Variants in EPB41L4B observed in about 807,000 individuals in gnomAD.
EPB41L4B encodes the protein erythrocyte membrane protein band 4.1 like 4B, also known as band 4.1-like protein 4B.
In EPB41L4B, 30 loss-of-function variants were observed where a neutral mutation model predicts 112.5. The ratio of observed to expected loss-of-function variants is 0.27; its 90% CI spans 0.20 to 0.36. The LOEUF (loss-of-function observed/expected upper bound fraction) is 0.36. Among genes scored for constraint, EPB41L4B ranks in the 10% least tolerant of loss-of-function variants. The pLI is 1.00. For synonymous variants in EPB41L4B, 408 were observed against 439.7 expected (o/e 0.93, Z 0.90); for missense variants, 1,024 against 1,133.3 (o/e 0.90, Z 1.38).
chr9:109,296,761 T>C (rs1028083569), intron 1 of EPB41L4B, among the ~76,000 whole-genome samples: 2 of 151,782 alleles, frequency 1.3e-5, no homozygotes, highest in African/African-American at 2.4e-5. Context: ...GTGGCACATA[T>C]CTGTAGCCCC....
chr9:109,209,189 C>T lies in EPB41L4B; in HGVS notation c.1753-1140G>A, dbSNP rs183834626. ...TATGAAAGCTAGAGGAAGTATAGAG[C>T]AACTGGCCAGCTAATATCGTTTAAT... On this transcript the variant is annotated intron_variant, in intron 17 of 25. Transcript: ENST00000374566. Among the ~76,000 whole-genome samples the T allele has an allele frequency of 2.6e-5, 4 of 152,202 alleles. No homozygotes were observed. The East Asian group carries it at 7.7e-4, about 29-fold the overall frequency.
chr9:109,220,756 T>C (rs1833545249), intron 15 of EPB41L4B, among the ~76,000 whole-genome samples: 1 of 151,972 alleles, frequency 6.6e-6, no homozygotes, highest in Admixed American at 6.5e-5. Flanking sequence ...TGTGTGCACG[T>C]GCGTGTGTTG....
intron 4 of EPB41L4B, 44 bp downstream of exon 4, chr9:109,267,429 G>A: frequency 7.7e-7 from 1 of 1,302,594 alleles, no homozygotes; most frequent in Non-Finnish European, 1.1e-6. Context: ...TGACATGTAA[G>A]GCAAGCCCTG....
intron 15 of EPB41L4B, among the ~76,000 whole-genome samples, chr9:109,231,394 C>T (rs1372812647): frequency 6.6e-6 from 1 of 152,154 alleles, no homozygotes; most frequent in Non-Finnish European, 1.5e-5. Flanking sequence ...CTTCAACATA[C>T]CAGCACTGCA....
intron 11 of EPB41L4B, 117 bp downstream of exon 11, chr9:109,255,394 G>T: frequency 8.3e-7 from 1 of 1,199,650 alleles, no homozygotes; most frequent in East Asian, 2.5e-5. Context: ...ACGTGGGGAT[G>T]GGACACACAA....
At chr9:109,243,036 A>T (rs1190716791) in intron 15 of EPB41L4B, among the ~76,000 whole-genome samples, 4 of 151,774 alleles carry the variant, frequency 2.6e-5, no homozygotes, top group African/African-American at 9.7e-5. Flanking sequence ...TCATTTATGG[A>T]TTGTCTAGGG....
rs1181401272 is a variant in EPB41L4B at position 109,236,993 on chromosome 9, A to G, written c.1409+6625T>C. Among the ~76,000 whole-genome samples the G allele has an allele frequency of 2.0e-5, 3 of 152,256 alleles. No individual in the cohort carries two copies. The East Asian group carries it at 5.8e-4, about 29-fold the overall frequency. ...TGGGAAATACTGATCCGAAGGGATCAATATGGCTGTTCAGGGAGTTCTTTA... is the reference window on the plus strand; with the variant it reads ...TGGGAAATACTGATCCGAAGGGATCGATATGGCTGTTCAGGGAGTTCTTTA... On this transcript the variant is annotated intron_variant, in intron 15 of 25. Transcript: ENST00000374566.
At chr9:109,228,742 G>T (rs915344713) in intron 15 of EPB41L4B, among the ~76,000 whole-genome samples, 2 of 152,182 alleles carry the variant, frequency 1.3e-5, no homozygotes, top group African/African-American at 4.8e-5. Flanking sequence ...TGCCCCAACT[G>T]AAGTGAGCAT....
chr9:109,203,516 C>A, intron 19 of EPB41L4B, 147 bp downstream of exon 19: 2 of 637,182 alleles, frequency 3.1e-6, no homozygotes, highest in Non-Finnish European at 2.6e-6. Flanking sequence ...TTAGTTAAGC[C>A]AGTCTTTTTC....
intron 15 of EPB41L4B, among the ~76,000 whole-genome samples, chr9:109,243,080 T>C (rs923143802): frequency 4.0e-5 from 6 of 151,104 alleles, no homozygotes; most frequent in Non-Finnish European, 5.9e-5. Flanking sequence ...AGTTAAGGAG[T>C]TGTGACAGCG....
chr9:109,232,259 T>C (rs1476100913), intron 15 of EPB41L4B, among the ~76,000 whole-genome samples: 2 of 152,108 alleles, frequency 1.3e-5, no homozygotes, highest in Non-Finnish European at 2.9e-5. Context: ...CCCAAAGTTT[T>C]GGTATTACAA....
intron 24 of EPB41L4B, among the ~76,000 whole-genome samples, chr9:109,181,080 T>C (rs907953779): frequency 6.6e-6 from 1 of 152,174 alleles, no homozygotes; most frequent in African/African-American, 2.4e-5. Flanking sequence ...GGTGCAGTCA[T>C]AGATCACTGC....
At chr9:109,176,738 G>T (rs1831856575) in intron 24 of EPB41L4B, 42 bp from the exon 25 acceptor site, 1 of 1,610,144 alleles carries the variant, frequency 6.2e-7, no homozygotes, top group East Asian at 2.2e-5. Flanking sequence ...CTCAATTTGG[G>T]TTCCATTTTC....
chr9:109,203,687 G>T lies in EPB41L4B; in HGVS notation c.1922C>A (p.Ser641Tyr). ...ESPFVNINKK[S>Y]SLQDASVRSP... Reference sequence around the variant, plus strand: ...CCTTACACTAGCGTCCTGAAGACTGGATTTCTTATTGATATTTACAAACGG... The same window carrying T: ...CCTTACACTAGCGTCCTGAAGACTGTATTTCTTATTGATATTTACAAACGG... The change falls in exon 19 of 26, where the codon TCC becomes TAC. Residue 641 changes from serine (S) to tyrosine (Y), a missense_variant. Transcript: ENST00000374566. 6.2e-7 allele frequency: 1 copy of T among 1,613,934 alleles called. No homozygotes were observed.
At chr9:109,270,966 G>C (rs1006216328) in intron 2 of EPB41L4B, among the ~76,000 whole-genome samples, 2 of 152,204 alleles carry the variant, frequency 1.3e-5, no homozygotes, top group African/African-American at 4.8e-5. Context: ...TAAATATTTA[G>C]TACTGAAGTT....
chr9:109,201,449 CAAAAAAAAAA>C, intron 19 of EPB41L4B, among the ~76,000 whole-genome samples: 1 of 59,426 alleles, frequency 1.7e-5, no homozygotes, highest in Admixed American at 1.9e-4. Context: ...GACCCTGTCT[CAAAAAAAAAA>C]AAAAAAGAAA....
intron 18 of EPB41L4B, among the ~76,000 whole-genome samples, chr9:109,206,350 G>A (rs1209998783): frequency 6.6e-6 from 1 of 151,916 alleles, no homozygotes; most frequent in Non-Finnish European, 1.5e-5. Flanking sequence ...ACCTGGCTAA[G>A]TTTCATATTT....
chr9:109,248,363 T>C (rs577642502), intron 13 of EPB41L4B, among the ~76,000 whole-genome samples: 1 of 152,348 alleles, frequency 6.6e-6, no homozygotes, highest in East Asian at 1.9e-4. Context: ...CATCTGTTAT[T>C]ATTTAATCCA....
intron 20 of EPB41L4B, 73 bp from the exon 21 acceptor site, chr9:109,194,470 T>G: frequency 6.7e-7 from 1 of 1,487,124 alleles, no homozygotes; most frequent in Non-Finnish European, 9.1e-7. Context: ...GGACGGAGGA[T>G]GGGCAGGGGT....
Sources: gnomAD v4.1 joint callset for allele counts (sites outside exome capture counted in the v4.1 genomes callset) on GRCh38, gnomAD v4.1.1 for gene constraint, MANE v1.5 for transcripts, NCBI Gene and HGNC (gene_info 2026-07-23, HGNC 2026-07-21) for gene names.